The following GGNBP2 variants were observed in gnomAD, a reference collection of about 807,000 sequenced individuals.
GGNBP2 encodes the protein gametogenetin-binding protein 2.
GGNBP2 carries 10 observed loss-of-function variants against 85.9 expected under a neutral mutation model. That is an observed-to-expected ratio of 0.12 (90% CI 0.07 to 0.20). The LOEUF is 0.20. Among genes scored for constraint, GGNBP2 ranks in the 10% least tolerant of loss-of-function variants. The pLI is 1.00. For synonymous variants in GGNBP2, 287 were observed against 285.7 expected, an observed-to-expected ratio of 1.00 and a Z score of -0.05; for missense variants, 595 against 857.8, an observed-to-expected ratio of 0.69 and a Z score of 3.83.
At chr17:36,588,086 C>T (rs946492734) in intron 13 of GGNBP2, among the ~76,000 whole-genome samples, 12 of 152,194 alleles carry the variant, frequency 7.9e-5, no homozygotes, top group Admixed American at 2.6e-4. Flanking sequence ...CTAGAGGTTG[C>T]TTTCTTCTTT....
chr17:36,554,085 G>C (rs954084060), intron 2 of GGNBP2, among the ~76,000 whole-genome samples: 1 of 151,918 alleles, frequency 6.6e-6, no homozygotes, highest in African/African-American at 2.4e-5. Context: ...CCAGTACTTT[G>C]GGAGGCTGAG....
At chr17:36,558,702 C>T (rs951452860) in intron 4 of GGNBP2, among the ~76,000 whole-genome samples, 6 of 151,590 alleles carry the variant, frequency 4.0e-5, no homozygotes, top group South Asian at 2.1e-4. Flanking sequence ...GCGATCTGCC[C>T]GCCTTGGACT....
chr17:36,574,968 T>C (rs1029437983), intron 6 of GGNBP2: 1 of 1,494,986 alleles, frequency 6.7e-7, no homozygotes. Flanking sequence ...ACAAACATCT[T>C]GAACCTGGTG....
chr17:36,560,353 A>G (rs1003482785), intron 4 of GGNBP2, among the ~76,000 whole-genome samples: 11 of 152,228 alleles, frequency 7.2e-5, no homozygotes, highest in Admixed American at 1.3e-4. Flanking sequence ...CCATATTTGC[A>G]TAAAAGTTCT....
chr17:36,554,957 T>G, intron 3 of GGNBP2, 57 bp downstream of exon 3: 1 of 1,055,856 alleles, frequency 9.5e-7, no homozygotes, highest in South Asian at 1.3e-5. Context: ...AAAGACTCAT[T>G]TAAAATTTAG....
chr17:36,578,105 A>G lies in GGNBP2; in HGVS notation c.764A>G (p.His255Arg). The G allele has an allele frequency of 6.2e-7, 1 of 1,614,238 alleles. No homozygotes were observed. The stretch of plus-strand genomic sequence containing the variant: ...TATGAAGGCTTGCGGTGCTGTCCAC[A>G]TGAACGACACATACATGTTTGCTGT... ...ALYEGLRCCP[H>R]ERHIHVCCET... Residue 255 changes from histidine (H) to arginine (R), a missense_variant, in exon 7 of 14, where the codon CAT becomes CGT. This residue lies in a region of GGNBP2 where 92 missense variants were observed against 183.9 expected (regional missense o/e 0.50). Coordinates refer to ENST00000613102, the MANE Select transcript of GGNBP2 (RefSeq NM_024835.5).
chr17:36,556,947 T>G (rs2074367996), intron 3 of GGNBP2, 136 bp from the exon 4 acceptor site: 1 of 948,654 alleles, frequency 1.1e-6, no homozygotes, highest in Non-Finnish European at 1.6e-6. Flanking sequence ...TTTGCCTTTC[T>G]GACTCAGTTG....
At chr17:36,568,883 G>A (rs2074495069) in intron 6 of GGNBP2, among the ~76,000 whole-genome samples, 1 of 151,832 alleles carries the variant, frequency 6.6e-6, no homozygotes, top group Non-Finnish European at 1.5e-5. Flanking sequence ...ACCCTCCCAA[G>A]TAGCTGGGAT....
intron 2 of GGNBP2, chr17:36,547,276 C>T (rs1320746964): frequency 6.6e-6 from 1 of 152,134 alleles, no homozygotes; most frequent in Admixed American, 6.5e-5. Context: ...TTTCTTCTCT[C>T]CCCTGCTAAC....
At chr17:36,561,134 C>CT (rs1259726725) in intron 5 of GGNBP2, among the ~76,000 whole-genome samples, 1 of 139,538 alleles carries the variant, frequency 7.2e-6, no homozygotes, top group African/African-American at 2.7e-5. Context: ...TTTTTTTTTT[C>CT]TTTTTTTGAG....
intron 4 of GGNBP2, among the ~76,000 whole-genome samples, chr17:36,559,065 C>T (rs1012777302): frequency 6.6e-6 from 1 of 151,780 alleles, no homozygotes; most frequent in Non-Finnish European, 1.5e-5. Flanking sequence ...TTTGGGAGGT[C>T]GGTGAGGGTG....
intron 4 of GGNBP2, among the ~76,000 whole-genome samples, chr17:36,558,321 A>C (rs990861176): frequency 7.1e-6 from 1 of 140,380 alleles, no homozygotes; most frequent in Non-Finnish European, 1.5e-5. Context: ...AGGCTGAGGC[A>C]GGAGAATCTC....
At chr17:36,553,156 T>G (rs1422429946) in intron 2 of GGNBP2, among the ~76,000 whole-genome samples, 2 of 152,126 alleles carry the variant, frequency 1.3e-5, no homozygotes, top group Non-Finnish European at 2.9e-5. Flanking sequence ...TGTAATACAT[T>G]TGGGAAATAT....
chr17:36,552,401 A>G (rs2074318295), intron 2 of GGNBP2, among the ~76,000 whole-genome samples: 1 of 152,206 alleles, frequency 6.6e-6, no homozygotes, highest in Admixed American at 6.5e-5. Flanking sequence ...AATAAATACA[A>G]TAGGCAGTAT....
At chr17:36,562,669 T>C (rs541879785) in intron 5 of GGNBP2, among the ~76,000 whole-genome samples, 72 of 151,682 alleles carry the variant, frequency 4.7e-4, no homozygotes, top group African/African-American at 1.6e-3. Context: ...ACAAAAAATA[T>C]TTAAAACATT....
At chr17:36,577,725 A>G (rs1427886141) in intron 6 of GGNBP2, 8 of 509,056 alleles carry the variant, frequency 1.6e-5, no homozygotes, top group Admixed American at 3.4e-5. Context: ...TTTATGAAAT[A>G]ATAGGTATGT....
At chr17:36,568,791 C>G (rs2074493926) in intron 6 of GGNBP2, among the ~76,000 whole-genome samples, 1 of 151,134 alleles carries the variant, frequency 6.6e-6, no homozygotes, top group Admixed American at 6.6e-5. Flanking sequence ...AAGTCTCGCT[C>G]TGTTGCCAGG....
chr17:36,555,545 A>C (rs184938453), intron 3 of GGNBP2, among the ~76,000 whole-genome samples: 1 of 152,186 alleles, frequency 6.6e-6, no homozygotes, highest in African/African-American at 2.4e-5. Flanking sequence ...AATGCAAAAA[A>C]GTTGGGCAGA....
chr17:36,560,726 T>C lies in GGNBP2; in HGVS notation c.429-47T>C. 2.7e-6 allele frequency: 3 copies of C among 1,116,460 alleles called. 1 individual carries two copies. The South Asian group carries it at 4.4e-5, about 16-fold the overall frequency. The allele number at this position is 1,116,460 out of a possible 1,614,324, so 69.2% of individuals were successfully genotyped here. ...GACAGTAAATAGAGATTTTAAAATT[T>C]GAAAGTAAAATGAATTAAACCCTTA... On this transcript the variant is annotated intron_variant, in intron 4 of 13. Transcript: ENST00000613102.
Sources: gnomAD v4.1 joint callset for allele counts (sites outside exome capture counted in the v4.1 genomes callset) on GRCh38, gnomAD v4.1.1 for gene constraint, gnomAD v4.1.1 regional missense constraint, MANE v1.5 for transcripts, NCBI Gene and HGNC (gene_info 2026-07-23, HGNC 2026-07-21) for gene names.